Variants in BID observed in about 807,000 individuals in gnomAD.
The protein encoded by BID is BH3 interacting domain death agonist.
BID carries 19 observed loss-of-function variants against 17.4 expected under a neutral mutation model. The observed-to-expected ratio is 1.09, with a 90% CI of 0.76 to 1.60. BID has a LOEUF of 1.60. BID is among the 40% of genes most tolerant of loss of function. The pLI is 0.00. For missense variants in BID, 226 were observed against 256.0 expected (o/e 0.88, Z 0.80); for synonymous variants, 108 against 102.8 (o/e 1.05, Z -0.31).
chr22:17,764,859 A>G (rs62238875), intron 1 of BID, among the ~76,000 whole-genome samples: 4,801 of 152,292 alleles, frequency 0.032, 100 homozygotes, highest in South Asian at 0.055. Context: ...CTGCAGAGAG[A>G]AATAAGCGGT....
At chr22:17,738,301 T>C (rs2061434539) in intron 4 of BID, 72 bp from the exon 5 acceptor site, 2 of 1,416,162 alleles carry the variant, frequency 1.4e-6, no homozygotes, top group Admixed American at 1.8e-5. Context: ...GTCCCCAGTA[T>C]GAAGAAGCAC....
chr22:17,744,665 G>A (rs2061483836), intron 2 of BID, among the ~76,000 whole-genome samples: 1 of 152,208 alleles, frequency 6.6e-6, no homozygotes, highest in South Asian at 2.1e-4. Flanking sequence ...CTGGGCTCTT[G>A]GCCGGCAGCT....
chr22:17,737,874 C>A, intron 5 of BID, 143 bp downstream of exon 5: 1 of 865,608 alleles, frequency 1.2e-6, no homozygotes, highest in Admixed American at 2.3e-5. Context: ...TTCTAGCTCA[C>A]AACAGCAAAA....
At chr22:17,758,913 C>T (rs1220425897) in intron 1 of BID, among the ~76,000 whole-genome samples, 1 of 23,230 alleles carries the variant, frequency 4.3e-5, no homozygotes, top group African/African-American at 5.3e-4. Flanking sequence ...TCTATTTTAC[C>T]ACGATAAAAA....
At chr22:17,747,234 AGTGG>A (rs1197008728) in intron 2 of BID, among the ~76,000 whole-genome samples, 4 of 152,220 alleles carry the variant, frequency 2.6e-5, no homozygotes, top group African/African-American at 9.6e-5. Flanking sequence ...GCAGGACAGG[AGTGG>A]GCTCGGAAGA....
At chr22:17,751,902 G>C (rs1569044717) in intron 1 of BID, among the ~76,000 whole-genome samples, 1 of 152,190 alleles carries the variant, frequency 6.6e-6, no homozygotes, top group Non-Finnish European at 1.5e-5. Flanking sequence ...AAGAGACAAA[G>C]CGCAAGACAG....
At position 17,773,871 on chromosome 22, in the gene BID, C is replaced by T. The variant is rs987260297; in HGVS notation, c.-59+510G>A. ...GGAGCGGGCGAGCCCCAGTAAGCGG[C>T]CGCTCTGACCGCGCTTTGTCAGCCC... On this transcript the variant is annotated intron_variant, in intron 1 of 5. Coordinates refer to ENST00000622694, the MANE Select transcript of BID (RefSeq NM_001196.4). The surrounding 1 kb of genome is among the most constrained non-coding windows in gnomAD (Gnocchi z 4.4). 1 of 641,484 alleles carries T rather than the reference C, an allele frequency of 1.6e-6. No homozygotes were observed. Among genetic ancestry groups the T allele is most frequent in the Non-Finnish European group, 2.7e-6 (1 of 369,386 alleles). 39.7% of individuals were successfully genotyped at this position (641,484 alleles called of 1,614,324 possible).
intron 3 of BID, among the ~76,000 whole-genome samples, chr22:17,742,468 C>T (rs1013802435): frequency 1.7e-5 from 2 of 118,860 alleles, no homozygotes; most frequent in African/African-American, 2.8e-5. Context: ...TTCTCAGACA[C>T]CTCCCCCCAC....
chr22:17,743,947 T>C lies in BID; in HGVS notation c.79A>G (p.Ser27Gly). ...CTGCGGAAGCTGTTGTCAGAACAGC[T>C]TTGGAGGAAGCCAAACACCAGTAGG... Reference protein sequence around the residue: ...TNLLVFGFLQSCSDNSFRREL... With the variant: ...TNLLVFGFLQGCSDNSFRREL... The change falls in exon 3 of 6, where the codon AGC becomes GGC. Residue 27 changes from serine (S) to glycine (G), a missense_variant. Physicochemically the swap from Ser to Gly is moderately conservative, Grantham distance 56. Coordinates refer to ENST00000622694, the MANE Select transcript of BID (RefSeq NM_001196.4). 1.9e-6 allele frequency: 3 copies of C among 1,613,962 alleles called. No homozygotes were observed. Among genetic ancestry groups the C allele is most frequent in the Non-Finnish European group, 2.5e-6 (3 of 1,180,022 alleles).
At position 17,766,180 on chromosome 22, in the gene BID, T is replaced by A. The variant is rs374502417; in HGVS notation, c.-59+8201A>T. Among the ~76,000 whole-genome samples, 9 of 152,026 alleles carry A rather than the reference T, an allele frequency of 5.9e-5. No homozygotes were observed. In the East Asian group the frequency reaches 1.2e-3, roughly 20 times the overall value. On this transcript the variant is annotated intron_variant, in intron 1 of 5. Transcript: ENST00000622694. ...CTCAAGACATCCTCCTGCCTCAGCC[T>A]CCCAAATTGCTAGGATTACAGGTGT...
intron 2 of BID, among the ~76,000 whole-genome samples, chr22:17,744,239 C>G (rs1184612473): frequency 6.6e-6 from 1 of 152,132 alleles, no homozygotes. Flanking sequence ...AGCCCCGACT[C>G]TGCAGAAAGG....
chr22:17,771,356 C>T (rs1259995867), intron 1 of BID, among the ~76,000 whole-genome samples: 1 of 152,218 alleles, frequency 6.6e-6, no homozygotes, highest in Non-Finnish European at 1.5e-5. Context: ...AACTCGGCCT[C>T]CCAAAGTGCT....
chr22:17,760,596 C>A (rs2061630882), intron 1 of BID, among the ~76,000 whole-genome samples: 1 of 152,062 alleles, frequency 6.6e-6, no homozygotes, highest in Non-Finnish European at 1.5e-5. Context: ...CAGCTATATT[C>A]CAAGCAAACC....
intron 1 of BID, among the ~76,000 whole-genome samples, chr22:17,762,211 C>T (rs1009692225): frequency 6.6e-5 from 10 of 151,938 alleles, no homozygotes; most frequent in African/African-American, 2.4e-4. Context: ...AAAATAGTTA[C>T]GTTGGCCAGG....
intron 1 of BID, among the ~76,000 whole-genome samples, chr22:17,756,420 CTTTCTTTCTTTCTTCTTTCTTTCTTTCTT>C (rs2061585055): frequency 7.6e-6 from 1 of 131,492 alleles, no homozygotes; most frequent in African/African-American, 3.0e-5. Context: ...CTCTTTCTTT[CTTTCTTTCTTTCTTCTTTCTTTCTTTCTT>C]TCTTTCTTTC....
chr22:17,748,698 G>A (rs2061514225), intron 2 of BID, among the ~76,000 whole-genome samples: 1 of 152,076 alleles, frequency 6.6e-6, no homozygotes, highest in South Asian at 2.1e-4. Flanking sequence ...GGGGAGTGGC[G>A]ACGTCCACCC....
chr22:17,739,968 G>T, intron 3 of BID: 2 of 1,131,898 alleles, frequency 1.8e-6, no homozygotes, highest in South Asian at 1.3e-5. Flanking sequence ...AGTTGTCACT[G>T]GCACCGGCAA....
chr22:17,756,627 G>A (rs2061593401), intron 1 of BID, among the ~76,000 whole-genome samples: 1 of 147,412 alleles, frequency 6.8e-6, no homozygotes, highest in Non-Finnish European at 1.5e-5. Context: ...CCAGGCCGGA[G>A]TGCAATGGCA....
At chr22:17,767,311 C>G (rs2061686200) in intron 1 of BID, among the ~76,000 whole-genome samples, 1 of 152,050 alleles carries the variant, frequency 6.6e-6, no homozygotes, top group Admixed American at 6.6e-5. Context: ...TATTTACTTA[C>G]ATAAGCTAAT....
Sources: gnomAD v4.1 joint callset for allele counts (sites outside exome capture counted in the v4.1 genomes callset) on GRCh38, gnomAD v4.1.1 for gene constraint, Gnocchi (gnomAD v3.1) non-coding constraint, MANE v1.5 for transcripts, NCBI Gene and HGNC (gene_info 2026-07-23, HGNC 2026-07-21) for gene names.